ARAP2: variants seen among roughly 807,000 people sequenced by gnomAD.
ARAP2 encodes arf-GAP with Rho-GAP domain, ANK repeat and PH domain-containing protein 2.
A neutral mutation model predicts 194.5 loss-of-function variants in ARAP2; 148 were observed. The observed-to-expected ratio is 0.76, with a 90% CI of 0.67 to 0.87. The LOEUF (loss-of-function observed/expected upper bound fraction) is 0.87, where lower values mean the gene tolerates loss of function less well. Ranked by LOEUF, ARAP2 falls within the 40% of genes least tolerant of loss-of-function variation. ARAP2 has a pLI of 0.00. For missense variants in ARAP2, 2,128 were observed against 1,989.7 expected, an observed-to-expected ratio of 1.07 and a Z score of -1.32; for synonymous variants, 695 against 683.5, an observed-to-expected ratio of 1.02 and a Z score of -0.26.
intron 6 of ARAP2, among the ~76,000 whole-genome samples, chr4:36,201,133 A>G (rs1486070365): frequency 6.6e-6 from 1 of 152,104 alleles, no homozygotes; most frequent in African/African-American, 2.4e-5. Context: ...GCCACACACA[A>G]ATATTAACTC....
chr4:36,141,998 C>T (rs1450500533), intron 19 of ARAP2, among the ~76,000 whole-genome samples: 4 of 151,644 alleles, frequency 2.6e-5, no homozygotes, highest in Non-Finnish European at 4.4e-5. Context: ...GGTACTGAAA[C>T]AGCTTTTCAA....
intron 29 of ARAP2, 101 bp from the exon 30 acceptor site, chr4:36,082,387 G>T: frequency 8.5e-7 from 1 of 1,177,950 alleles, no homozygotes; most frequent in Non-Finnish European, 1.2e-6. Context: ...TTAATGGTGG[G>T]AATGCATAGA....
intron 3 of ARAP2, chr4:36,047,391 GCTAA>G (rs1156529987): frequency 6.6e-6 from 1 of 152,190 alleles, no homozygotes; most frequent in Non-Finnish European, 1.5e-5. Flanking sequence ...GGCCATATAA[GCTAA>G]CTGACTTTCC....
chr4:36,210,396 G>A lies in ARAP2; in HGVS notation c.1481C>T (p.Pro494Leu). The A allele has an allele frequency of 1.2e-6, 2 of 1,608,788 alleles. No homozygotes were observed. Among genetic ancestry groups the A allele is most frequent in the East Asian group, 2.2e-5 (1 of 44,836 alleles). The change falls in exon 6 of 33, where the codon CCT (proline) becomes CTT (leucine). Residue 494 changes from proline (P) to leucine (L), a missense_variant. Transcript: ENST00000303965. Reference protein sequence around the residue: ...VKSGWLDKLSPQGKRMFQKRW... With the variant: ...VKSGWLDKLSLQGKRMFQKRW... ...TAAATGCATACGTACATACCCTTGA[G>A]GAGAGAGTTTATCCAGCCATCCTGA...
At chr4:36,223,657 A>C (rs968409145) in intron 2 of ARAP2, among the ~76,000 whole-genome samples, 2 of 152,156 alleles carry the variant, frequency 1.3e-5, no homozygotes, top group African/African-American at 4.8e-5. Flanking sequence ...AAATACAGTC[A>C]TAAGGGTGGG....
At chr4:36,147,887 ACTAAACTTGCTATCAGT>A in intron 17 of ARAP2, 141 bp from the exon 18 acceptor site, 1 of 721,320 alleles carries the variant, frequency 1.4e-6, no homozygotes, top group Non-Finnish European at 2.2e-6. Flanking sequence ...ATTCAAAACA[ACTAAACTTGCTATCAGT>A]CTTAAAACTG....
chr4:36,060,183 G>T (rs1724192001), intron 1 of ARAP2, among the ~76,000 whole-genome samples: 2 of 152,102 alleles, frequency 1.3e-5, no homozygotes, highest in African/African-American at 4.8e-5. Flanking sequence ...TGTATTGGTT[G>T]ATTACTCAGT....
At chr4:36,025,077 G>C (rs1364411017) in intron 5 of ARAP2, among the ~76,000 whole-genome samples, 2 of 152,108 alleles carry the variant, frequency 1.3e-5, no homozygotes, top group Non-Finnish European at 2.9e-5. Flanking sequence ...ACTTTGGCAG[G>C]GGGTGGGTGT....
chr4:36,240,693 G>A (rs1382695092), intron 1 of ARAP2, among the ~76,000 whole-genome samples: 1 of 152,176 alleles, frequency 6.6e-6, no homozygotes, highest in Non-Finnish European at 1.5e-5. Flanking sequence ...TCTTCTGGAT[G>A]GAGAATAATG....
intron 2 of ARAP2, among the ~76,000 whole-genome samples, chr4:36,055,796 T>C (rs1296421204): frequency 6.6e-6 from 1 of 152,152 alleles, no homozygotes; most frequent in Admixed American, 6.5e-5. Flanking sequence ...ACTCCTGACC[T>C]CAGGTGACCA....
intron 2 of ARAP2, among the ~76,000 whole-genome samples, chr4:36,224,956 A>G (rs1485083333): frequency 3.3e-5 from 5 of 152,204 alleles, no homozygotes; most frequent in African/African-American, 1.2e-4. Context: ...GCTCATATGT[A>G]TTGTTGACAT....
chr4:36,006,269 G>C (rs1438448142), intron 10 of ARAP2: 2 of 152,122 alleles, frequency 1.3e-5, no homozygotes, highest in Admixed American at 6.6e-5. Flanking sequence ...GCAGAAAAAC[G>C]GACAGCTAAG....
At chr4:36,012,689 C>A (rs992287001) in exon 9 of ARAP2, 2 of 152,206 alleles carry the variant, frequency 1.3e-5, no homozygotes, top group Non-Finnish European at 2.9e-5. Context: ...AAAGGGCATA[C>A]TTCTTCATGC....
In ARAP2 at chr4:36,123,268, C is replaced by T. The variant is rs73806474; in HGVS notation, c.3746+1594G>A. 5.3e-3 allele frequency among the ~76,000 whole-genome samples: 808 copies of T among 151,658 alleles called. 11 individuals carry two copies. The highest frequency in any genetic ancestry group is 0.018 in the African/African-American group (761 of 41,428). ...ATTGTGGTGCATGATAAACACCTGGCGAATGGAATTAAGAGGATATTACTG... is the reference window on the plus strand; with the variant it reads ...ATTGTGGTGCATGATAAACACCTGGTGAATGGAATTAAGAGGATATTACTG... On this transcript the variant is annotated intron_variant, in intron 22 of 32. Coordinates refer to ENST00000303965, the MANE Select transcript of ARAP2 (RefSeq NM_015230.4).
chr4:36,062,418 T>C (rs1390064634), downstream of ARAP2, among the ~76,000 whole-genome samples: 1 of 152,044 alleles, frequency 6.6e-6, no homozygotes, highest in Non-Finnish European at 1.5e-5. Flanking sequence ...TAGATAGTTA[T>C]TAGGTTGGTG....
Position 36,092,268 on chromosome 4 carries a change from G to A in ARAP2, c.4286-248C>T, listed in dbSNP as rs544158215. Among the ~76,000 whole-genome samples, 20 of 152,228 alleles carry A rather than the reference G, an allele frequency of 1.3e-4. No individual in the cohort carries two copies. The South Asian group carries it at 4.1e-3, about 32-fold the overall frequency. Reference sequence around the variant, plus strand: ...AAATGTGGTTAGTATAGGTTGAGAGGTGCTATAAGTATAAAGTTTCTACTA... The same window carrying A: ...AAATGTGGTTAGTATAGGTTGAGAGATGCTATAAGTATAAAGTTTCTACTA... On this transcript the variant is annotated intron_variant, in intron 27 of 32. Coordinates refer to ENST00000303965, the MANE Select transcript of ARAP2 (RefSeq NM_015230.4).
intron 16 of ARAP2, 73 bp downstream of exon 16, chr4:36,150,827 A>T (rs1470194404): frequency 6.7e-7 from 1 of 1,499,368 alleles, no homozygotes; most frequent in Non-Finnish European, 9.1e-7. Flanking sequence ...TAAAATGATA[A>T]CAAAACTCTC....
At chr4:36,130,236 G>C (rs1321644287) in intron 20 of ARAP2, among the ~76,000 whole-genome samples, 1 of 151,970 alleles carries the variant, frequency 6.6e-6, no homozygotes, top group African/African-American at 2.4e-5. Flanking sequence ...ATTCAGGTCT[G>C]TATGTATTAG....
intron 16 of ARAP2, among the ~76,000 whole-genome samples, chr4:36,150,498 T>C (rs1378070879): frequency 6.6e-6 from 1 of 151,814 alleles, no homozygotes; most frequent in East Asian, 1.9e-4. Context: ...ATACAAAAAT[T>C]AGCTGGGTGT....
Sources: gnomAD v4.1 joint callset for allele counts (sites outside exome capture counted in the v4.1 genomes callset) on GRCh38, gnomAD v4.1.1 for gene constraint, MANE v1.5 for transcripts, NCBI Gene and HGNC (gene_info 2026-07-23, HGNC 2026-07-21) for gene names.